The following HM13 variants were observed in gnomAD, a reference collection of about 807,000 sequenced individuals.
HM13 encodes histocompatibility minor 13.
Under a neutral mutation model 50.0 loss-of-function variants are expected in HM13, and 18 were observed. The ratio of observed to expected loss-of-function variants is 0.36; its 90% CI spans 0.25 to 0.53. The LOEUF (loss-of-function observed/expected upper bound fraction) is 0.53. Among genes scored for constraint, HM13 ranks in the 20% least tolerant of loss-of-function variants. HM13 has a pLI of 0.90. For synonymous variants in HM13, 197 were observed against 232.6 expected, an observed-to-expected ratio of 0.85 and a Z score of 1.39; for missense variants, 393 against 552.4, an observed-to-expected ratio of 0.71 and a Z score of 2.89.
chr20:31,525,313 G>C (rs1568780845), intron 1 of HM13, among the ~76,000 whole-genome samples: 1 of 152,002 alleles, frequency 6.6e-6, no homozygotes, highest in Non-Finnish European at 1.5e-5. Flanking sequence ...CTTCCACCTG[G>C]GACACTAGGG....
intron 1 of HM13, among the ~76,000 whole-genome samples, chr20:31,519,376 C>T (rs1256766004): frequency 6.6e-6 from 1 of 152,252 alleles, no homozygotes; most frequent in Non-Finnish European, 1.5e-5. Flanking sequence ...GCTGGGATTA[C>T]AGGCGTGAGC....
chr20:31,547,786 C>A, intron 4 of HM13: 1 of 948,262 alleles, frequency 1.1e-6, no homozygotes, highest in Non-Finnish European at 1.7e-6. Flanking sequence ...CCTGCCACAC[C>A]AGCAGGTTGA....
At chr20:31,550,311 C>T in intron 7 of HM13, 190 bp downstream of exon 7, 5 of 589,216 alleles carry the variant, frequency 8.5e-6, no homozygotes, top group Middle Eastern at 4.6e-4. Flanking sequence ...GGTCCCGGCC[C>T]CTGGCCACTT....
Position 31,568,130 on chromosome 20 carries a change from C to T in HM13, c.1087C>T (p.Pro363Ser), listed in dbSNP as rs1476896290. The change falls in exon 12 of 13, where the codon CCC (proline) becomes TCC (serine). Residue 363 changes from proline to serine, a missense_variant. Physicochemically the swap from Pro to Ser is moderately conservative, Grantham distance 74. This residue lies in a region of HM13 where 105 missense variants were observed against 115.9 expected (regional missense o/e 0.91). Coordinates refer to ENST00000398174, the MANE Select transcript of HM13 (RefSeq NM_178581.3). The stretch of plus-strand genomic sequence containing the variant: ...TCATACCCCGAGGCTCACCCACTTC[C>T]CCACAGTCTCGGGCTCCCCAGCCAG... The part of the protein sequence containing the change: ...LPHTPRLTHF[P>S]TVSGSPASLA... 1 of 1,613,310 alleles carries T rather than the reference C, an allele frequency of 6.2e-7. No individual in the cohort carries two copies. Among genetic ancestry groups the T allele is most frequent in the Admixed American group, 1.7e-5 (1 of 59,956 alleles).
rs930585917 is a variant in HM13, at chr20:31,514,806, CG to C, written c.183+75del. ...ACGGCCGACATGGACCCTTCCTAGG[CG>C]GGACAGACACCTCTCCCCGGACACT... On this transcript the variant is annotated intron_variant, in intron 1 of 12. Coordinates refer to ENST00000398174, the MANE Select transcript of HM13 (RefSeq NM_178581.3). The surrounding 1 kb of genome is among the most constrained non-coding windows in gnomAD (Gnocchi z 4.3). 1.6e-4 allele frequency: 211 copies of C among 1,345,174 alleles called. No homozygotes were observed. The highest frequency in any genetic ancestry group is 2.0e-4 in the Non-Finnish European group (200 of 1,024,798). 83.3% of individuals were successfully genotyped at this position (1,345,174 alleles called of 1,614,324 possible).
intron 3 of HM13, chr20:31,539,160 C>G: frequency 5.1e-6 from 5 of 985,436 alleles, no homozygotes; most frequent in Non-Finnish European, 6.0e-6. Context: ...TTATTTTGGA[C>G]AGGCCAGTTC....
At chr20:31,559,357 G>A (rs927109929) in intron 8 of HM13, among the ~76,000 whole-genome samples, 1 of 152,182 alleles carries the variant, frequency 6.6e-6, no homozygotes, top group Non-Finnish European at 1.5e-5. Context: ...GGGCAGACAC[G>A]GTGTGACATA....
intron 4 of HM13, among the ~76,000 whole-genome samples, chr20:31,546,331 C>T (rs537462644): frequency 1.2e-4 from 18 of 152,128 alleles, no homozygotes; most frequent in Non-Finnish European, 2.2e-4. Flanking sequence ...CCACCGCGCC[C>T]GGCCGTAGCA....
chr20:31,524,645 T>C (rs1166139174), intron 1 of HM13, among the ~76,000 whole-genome samples: 3 of 151,904 alleles, frequency 2.0e-5, no homozygotes, highest in African/African-American at 7.3e-5. Flanking sequence ...TGAGCTCTTA[T>C]TAAGAGTGAG....
intron 2 of HM13, chr20:31,535,455 A>C (rs961787961): frequency 5.3e-5 from 8 of 152,246 alleles, no homozygotes; most frequent in Non-Finnish European, 8.8e-5. Context: ...TTTAGCAGCC[A>C]AAACACAAAG....
chr20:31,538,402 C>T, intron 3 of HM13, 141 bp downstream of exon 3: 5 of 1,527,434 alleles, frequency 3.3e-6, no homozygotes, highest in Non-Finnish European at 3.5e-6. Flanking sequence ...CTTTCCCCTG[C>T]ACACTGTAGA....
intron 1 of HM13, among the ~76,000 whole-genome samples, chr20:31,520,840 G>A (rs1386633106): frequency 3.3e-5 from 5 of 152,178 alleles, no homozygotes; most frequent in Non-Finnish European, 7.3e-5. Context: ...GTCTCCAGCT[G>A]GGTCAACAGT....
chr20:31,527,732 GACA>G, intron 2 of HM13, 150 bp downstream of exon 2: 1 of 600,786 alleles, frequency 1.7e-6, no homozygotes, highest in Non-Finnish European at 2.9e-6. Flanking sequence ...CCTACCCAAA[GACA>G]ACAACTGTTA....
intron 8 of HM13, among the ~76,000 whole-genome samples, chr20:31,557,610 A>G (rs1984384242): frequency 6.6e-6 from 1 of 151,454 alleles, no homozygotes; most frequent in African/African-American, 2.4e-5. Flanking sequence ...TCTATCCCCA[A>G]CCAACTCCCT....
intron 11 of HM13, 115 bp downstream of exon 11, chr20:31,566,410 C>A: frequency 1.2e-6 from 1 of 830,080 alleles, no homozygotes; most frequent in South Asian, 1.5e-5. Flanking sequence ...TTCCTGCCAC[C>A]AGCCCCACCC....
intron 7 of HM13, among the ~76,000 whole-genome samples, chr20:31,554,314 A>G (rs1005413408): frequency 2.6e-5 from 4 of 151,724 alleles, no homozygotes; most frequent in African/African-American, 9.7e-5. Context: ...GTGAGCCAAG[A>G]TCGTGCCACT....
At chr20:31,542,193 G>A (rs1381972830) in intron 3 of HM13, among the ~76,000 whole-genome samples, 1 of 152,236 alleles carries the variant, frequency 6.6e-6, no homozygotes, top group Non-Finnish European at 1.5e-5. Context: ...ACCCCAGCCT[G>A]GGGGATTGGA....
At chr20:31,569,064 C>T in intron 12 of HM13, 56 bp from the exon 13 acceptor site, 10 of 1,271,094 alleles carry the variant, frequency 7.9e-6, no homozygotes, top group Non-Finnish European at 1.1e-5. Context: ...AACCAAGGTT[C>T]TGCTCACCCT....
intron 8 of HM13, among the ~76,000 whole-genome samples, chr20:31,555,930 A>G (rs1002776119): frequency 1.3e-5 from 2 of 151,862 alleles, no homozygotes; most frequent in African/African-American, 4.8e-5. Flanking sequence ...TGATTGTGCC[A>G]CTGCACTTCA....
Sources: gnomAD v4.1 joint callset for allele counts (sites outside exome capture counted in the v4.1 genomes callset) on GRCh38, gnomAD v4.1.1 for gene constraint, gnomAD v4.1.1 regional missense constraint, Gnocchi (gnomAD v3.1) non-coding constraint, MANE v1.5 for transcripts, NCBI Gene and HGNC (gene_info 2026-07-23, HGNC 2026-07-21) for gene names.